The following SLC5A9 variants were observed in gnomAD, a reference collection of about 807,000 sequenced individuals.
The protein encoded by SLC5A9 is solute carrier family 5 member 9.
A neutral mutation model predicts 70.9 loss-of-function variants in SLC5A9; 59 were observed. The ratio of observed to expected loss-of-function variants is 0.83; its 90% confidence interval spans 0.68 to 1.03. SLC5A9 has a LOEUF of 1.03. Ranked by LOEUF, SLC5A9 falls within the 50% of genes least tolerant of loss-of-function variation. The probability of loss-of-function intolerance (pLI) is 0.00; values close to 1 mark genes in which losing one functional copy is unlikely to be tolerated. For missense variants in SLC5A9, 832 were observed against 881.1 expected (o/e 0.94, Z 0.71); for synonymous variants, 340 against 346.5 (o/e 0.98, Z 0.21).
chr1:48,233,875 A>C, intron 9 of SLC5A9, 113 bp downstream of exon 9: 1 of 752,850 alleles, frequency 1.3e-6, no homozygotes. Flanking sequence ...AAAACTATTC[A>C]CCTCTGCACC....
At position 48,228,313 on chromosome 1, in the gene SLC5A9, G is replaced by A. The variant is rs138303521; in HGVS notation, c.235-537G>A. 480 of 156,950 alleles carry A rather than the reference G, an allele frequency of 3.1e-3. 2 individuals are homozygous for A. Among genetic ancestry groups the A allele is most frequent in the African/African-American group, 8.6e-3 (359 of 41,568 alleles). The allele number at this position is 156,950 out of a possible 1,614,324, so 9.7% of individuals were successfully genotyped here. A position where few individuals can be genotyped will look rare whatever the true frequency, so the allele number is the denominator to read the frequency against. ...TGGAGATGCTGCACAGGCCCTGACT[G>A]CCCTGATCATGCTCACCATCATCAT... On this transcript the variant is annotated intron_variant, in intron 2 of 13. Transcript: ENST00000438567.
At position 48,223,615 on chromosome 1, in the gene SLC5A9, C is replaced by T. The variant is rs1203885486; in HGVS notation, c.162+717C>T. 2.0e-5 allele frequency among the ~76,000 whole-genome samples: 3 copies of T among 152,344 alleles called. No individual in the cohort carries two copies. The East Asian group carries it at 5.8e-4, about 29-fold the overall frequency. On this transcript the variant is annotated intron_variant, in intron 1 of 13. Transcript: ENST00000438567. ...GCAGGCAATAAATGGCTGCTATTAT[C>T]ACCACGCATTCCACAGAAGTGTGAG...
At chr1:48,244,341 G>A (rs536541346) in intron 13 of SLC5A9, among the ~76,000 whole-genome samples, 14 of 152,262 alleles carry the variant, frequency 9.2e-5, no homozygotes, top group Non-Finnish European at 1.6e-4. Context: ...CTCAGTTCTC[G>A]TGACTTTGCC....
Position 48,229,464 on chromosome 1 carries a change from G to A in SLC5A9, c.504+5G>A. On this transcript the variant is annotated splice_donor_5th_base_variant and intron_variant, in intron 4 of 13. Transcript: ENST00000438567. ...TACATCTTCACCAAGATCTCGGTAGGTGTCACTGCAATGTGGTCACTGTGT... is the reference window on the plus strand; with the variant it reads ...TACATCTTCACCAAGATCTCGGTAGATGTCACTGCAATGTGGTCACTGTGT... 1 of 1,613,832 alleles carries A rather than the reference G, an allele frequency of 6.2e-7. No homozygotes were observed. Among genetic ancestry groups the A allele is most frequent in the Non-Finnish European group, 8.5e-7 (1 of 1,179,812 alleles).
chr1:48,230,581 G>C lies in SLC5A9; in HGVS notation c.505-19G>C. The C allele has an allele frequency of 6.2e-7, 1 of 1,605,568 alleles. No homozygotes were observed. Among genetic ancestry groups the C allele is most frequent in the Non-Finnish European group, 8.5e-7 (1 of 1,172,550 alleles). ...AGGGCCTCGGGTGGTCTGGCCTCTTGGGTCCTGGCTCTCTGCAGACTGACA... is the reference window on the plus strand; with the variant it reads ...AGGGCCTCGGGTGGTCTGGCCTCTTCGGTCCTGGCTCTCTGCAGACTGACA... On this transcript the variant is annotated intron_variant, in intron 4 of 13. Coordinates refer to ENST00000438567, the MANE Select transcript of SLC5A9 (RefSeq NM_001011547.3).
At chr1:48,234,602 G>A (rs560386823) in intron 9 of SLC5A9, among the ~76,000 whole-genome samples, 71 of 152,140 alleles carry the variant, frequency 4.7e-4, no homozygotes, top group Non-Finnish European at 9.6e-4. Context: ...TATAGACAGA[G>A]AAATCCAAGA....
At position 48,224,801 on chromosome 1, in the gene SLC5A9, TTGA is replaced by T; in HGVS notation, c.234+7_234+9del. The T allele has an allele frequency of 1.2e-6, 2 of 1,613,860 alleles. No homozygotes were observed. The highest frequency in any genetic ancestry group is 1.7e-6 in the Non-Finnish European group (2 of 1,179,902). ...GGTCCATGAGCTGGTGGCCAGTGAG[TTGA>T]CCCTTCTCAACCACCCCTAGTGCAG... is the stretch of plus-strand genomic sequence containing the variant. On this transcript the variant is annotated splice_region_variant and intron_variant, in intron 2 of 13. Coordinates refer to ENST00000438567, the MANE Select transcript of SLC5A9 (RefSeq NM_001011547.3).
chr1:48,247,212 C>CA (rs374185331), intron 13 of SLC5A9, 123 bp from the exon 14 acceptor site: 15 of 875,164 alleles, frequency 1.7e-5, no homozygotes, highest in Admixed American at 8.9e-5. Flanking sequence ...GTGCACCCCC[C>CA]ATACTTTCCA....
chr1:48,244,728 A>AACATATATT (rs1241222121), intron 13 of SLC5A9, among the ~76,000 whole-genome samples: 2 of 33,612 alleles, frequency 6.0e-5, no homozygotes, highest in Admixed American at 4.1e-4. Flanking sequence ...ATATATATAA[A>AACATATATT]ATATATAATA....
At position 48,228,968 on chromosome 1, in the gene SLC5A9, C is replaced by T. The variant is rs1018744811; in HGVS notation, c.339+14C>T. ...TTCGAGTGGAACGTAAGGAAGCTGG[C>T]CTGGTTTCTCCAGAATACTGAGGGT... On this transcript the variant is annotated intron_variant, in intron 3 of 13. Coordinates refer to ENST00000438567, the MANE Select transcript of SLC5A9 (RefSeq NM_001011547.3). The T allele has an allele frequency of 3.7e-6, 6 of 1,613,118 alleles. No individual in the cohort carries two copies. Among genetic ancestry groups the T allele is most frequent in the African/African-American group, 1.3e-5 (1 of 74,874 alleles).
At position 48,235,833 on chromosome 1, in the gene SLC5A9, C is replaced by T. The variant is rs142604560; in HGVS notation, c.1246C>T (p.Arg416Cys). The change falls in exon 10 of 14, where the codon CGC (arginine) becomes TGC (cysteine). Residue 416 changes from arginine (R) to cysteine (C), a missense_variant. Arg to Cys is a radical substitution (Grantham distance 180). Coordinates refer to ENST00000438567, the MANE Select transcript of SLC5A9 (RefSeq NM_001011547.3). ...STLFTIDVWQRFRRKSTEQEL... is the reference protein window; with the variant it reads ...STLFTIDVWQCFRRKSTEQEL... ...CCTGTTCACCATTGATGTGTGGCAG[C>T]GCTTCCGCAGGAAGTCAACAGAGCA... is the stretch of plus-strand genomic sequence containing the variant. 4.5e-5 allele frequency: 72 copies of T among 1,614,236 alleles called. No homozygotes were observed. The African/African-American group carries it at 8.3e-4, about 19-fold the overall frequency.
intron 13 of SLC5A9, among the ~76,000 whole-genome samples, chr1:48,245,490 C>G (rs74077917): frequency 1.3e-5 from 2 of 152,188 alleles, no homozygotes; most frequent in East Asian, 1.9e-4. Context: ...AACCTACCCC[C>G]CTTCACAGAC....
rs376497040 is a variant in SLC5A9 at position 48,239,293 on chromosome 1, C to A, written c.1462-29C>A. The stretch of plus-strand genomic sequence containing the variant: ...CCTAGGGTCTCCCACCTGGATCTCA[C>A]CTCAGCTCTTGTCTGCCCTCTCTCA... On this transcript the variant is annotated intron_variant, in intron 11 of 13. Coordinates refer to ENST00000438567, the MANE Select transcript of SLC5A9 (RefSeq NM_001011547.3). The surrounding 1 kb of genome is among the most constrained non-coding windows in gnomAD (Gnocchi z 4.2). 3.2e-6 allele frequency: 5 copies of A among 1,548,186 alleles called. No individual in the cohort carries two copies. Among genetic ancestry groups the A allele is most frequent in the Non-Finnish European group, 3.5e-6 (4 of 1,129,638 alleles).
chr1:48,231,935 TCTC>T lies in SLC5A9; in HGVS notation c.692-7_692-5del. ...GGTTTCAGGGCTGCTTCACTCACTGTCTCCTCACAGGCTTTCAGGACGTGGGCT... is the reference window on the plus strand; with the variant it reads ...GGTTTCAGGGCTGCTTCACTCACTGTCTCACAGGCTTTCAGGACGTGGGCT... On this transcript the variant is annotated splice_polypyrimidine_tract_variant and splice_region_variant and intron_variant, in intron 6 of 13. Transcript: ENST00000438567. 3 of 1,613,936 alleles carry T rather than the reference TCTC, an allele frequency of 1.9e-6. No individual in the cohort carries two copies. Among genetic ancestry groups the T allele is most frequent in the South Asian group, 1.1e-5 (1 of 91,052 alleles).
chr1:48,240,316 T>G (rs565728264), intron 12 of SLC5A9: 1 of 152,346 alleles, frequency 6.6e-6, no homozygotes, highest in South Asian at 2.1e-4. Flanking sequence ...TTCTTTTAAG[T>G]CATAATGGAT....
At chr1:48,228,424 C>T (rs773167284) in intron 2 of SLC5A9, 2 of 185,540 alleles carry the variant, frequency 1.1e-5, no homozygotes, top group Non-Finnish European at 2.3e-5. Context: ...TCCCTCGGCT[C>T]CTCCCTCTGC....
chr1:48,247,526 TG>T lies in SLC5A9; in HGVS notation c.2033del (p.Gly678AlafsTer13). The part of the protein sequence containing the change: ...VLLLAINIFL[W>X]GYFA ...TTTGCTGGCCATCAACATCTTCCTC[TG>T]GGGCTATTTTGCGTGATTCCACAGA... On this transcript the variant is annotated frameshift_variant, in exon 14 of 14. Transcript: ENST00000438567. LOFTEE classifies it high-confidence loss of function. The T allele has an allele frequency of 1.2e-6, 2 of 1,614,218 alleles. No individual in the cohort carries two copies. The highest frequency in any genetic ancestry group is 8.5e-7 in the Non-Finnish European group (1 of 1,180,042).
At chr1:48,240,966 A>G (rs1302887999) in intron 12 of SLC5A9, 2 of 152,238 alleles carry the variant, frequency 1.3e-5, no homozygotes, top group African/African-American at 4.8e-5. Flanking sequence ...AGAACTGGAC[A>G]CTACTGACCA....
rs2148582171 is a variant in SLC5A9 at position 48,237,736 on chromosome 1, C to T, written c.1350C>T (p.Ser450=). 6.2e-7 allele frequency: 1 copy of T among 1,614,122 alleles called. No individual in the cohort carries two copies. Among genetic ancestry groups the T allele is most frequent in the South Asian group, 1.1e-5 (1 of 91,080 alleles). Residue 450 remains serine, a synonymous_variant, in exon 11 of 14, where the codon AGC becomes AGT. Transcript: ENST00000438567. Reference sequence around the variant, plus strand: ...TCCTCTGGATCCCCATCATCCAAAGCTCCAACAGTGGGCAGCTCTTCGACT... The same window carrying T: ...TCCTCTGGATCCCCATCATCCAAAGTTCCAACAGTGGGCAGCTCTTCGACT... ...ISILWIPIIQ[S]SNSGQLFDYI...
Sources: allele counts gnomAD v4.1 joint callset (sites outside exome capture counted in the v4.1 genomes callset), GRCh38; gene constraint gnomAD v4.1.1; non-coding constraint Gnocchi (gnomAD v3.1); transcripts MANE v1.5; gene names NCBI Gene and HGNC (gene_info 2026-07-23, HGNC 2026-07-21).